Variants in TMEM178A observed in about 807,000 individuals in gnomAD.
TMEM178A encodes the protein transmembrane protein 178A.
TMEM178A carries 12 observed loss-of-function variants against 29.1 expected under a neutral mutation model. The ratio of observed to expected loss-of-function variants is 0.41; its 90% confidence interval spans 0.26 to 0.67. TMEM178A has a LOEUF of 0.67. Ranked by LOEUF, TMEM178A falls within the 30% of genes least tolerant of loss-of-function variation. TMEM178A has a pLI of 0.29. For synonymous variants in TMEM178A, 210 were observed against 187.2 expected (o/e 1.12, Z -0.99); for missense variants, 366 against 419.1 (o/e 0.87, Z 1.11).
At chr2:39,681,524 C>T (rs760574205) in intron 1 of TMEM178A, among the ~76,000 whole-genome samples, 1 of 152,118 alleles carries the variant, frequency 6.6e-6, no homozygotes, top group Non-Finnish European at 1.5e-5. Context: ...GAGAGAGACA[C>T]CTCCGTGGAT....
At chr2:39,669,855 G>C (rs1670337349) in intron 1 of TMEM178A, among the ~76,000 whole-genome samples, 1 of 152,194 alleles carries the variant, frequency 6.6e-6, no homozygotes, top group Admixed American at 6.5e-5. Context: ...CATTCATACT[G>C]TATTTCCATA....
chr2:39,703,127 T>TA (rs1407331660), intron 1 of TMEM178A, among the ~76,000 whole-genome samples: 1 of 152,196 alleles, frequency 6.6e-6, no homozygotes, highest in Non-Finnish European at 1.5e-5. Flanking sequence ...TCTATGAAGA[T>TA]TTTTTTAAAT....
At chr2:39,684,080 C>T (rs1268486862) in intron 1 of TMEM178A, among the ~76,000 whole-genome samples, 2 of 152,196 alleles carry the variant, frequency 1.3e-5, no homozygotes, top group South Asian at 4.1e-4. Flanking sequence ...TAGTTCTGAT[C>T]TGCTTCTGCC....
intron 1 of TMEM178A, among the ~76,000 whole-genome samples, chr2:39,666,670 G>T (rs982778888): frequency 6.6e-6 from 1 of 151,992 alleles, no homozygotes; most frequent in African/African-American, 2.4e-5. Context: ...CCCATTCCCC[G>T]GTTCTCTCTC....
intron 1 of TMEM178A, among the ~76,000 whole-genome samples, chr2:39,681,715 A>G (rs1201542455): frequency 6.6e-6 from 1 of 152,232 alleles, no homozygotes; most frequent in Non-Finnish European, 1.5e-5. Context: ...ATTACTCTGT[A>G]GTAGCCATAT....
At chr2:39,676,430 C>A (rs1028013758) in intron 1 of TMEM178A, among the ~76,000 whole-genome samples, 1 of 152,182 alleles carries the variant, frequency 6.6e-6, no homozygotes, top group Non-Finnish European at 1.5e-5. Flanking sequence ...TGTGAGTGAG[C>A]TAGGAAACGG....
chr2:39,706,528 G>C (rs368397155), intron 2 of TMEM178A, among the ~76,000 whole-genome samples: 2 of 152,168 alleles, frequency 1.3e-5, no homozygotes, highest in South Asian at 4.1e-4. Flanking sequence ...GGCATCTGTG[G>C]TGATCAGATA....
chr2:39,721,145 G>A (rs1033503667), downstream of TMEM178A, among the ~76,000 whole-genome samples: 1 of 152,182 alleles, frequency 6.6e-6, no homozygotes, highest in Middle Eastern at 3.2e-3. Context: ...ATTTCTCTGG[G>A]GCCTTGCCCT....
intron 1 of TMEM178A, among the ~76,000 whole-genome samples, chr2:39,695,124 A>G (rs1464888574): frequency 6.6e-6 from 1 of 152,152 alleles, no homozygotes; most frequent in African/African-American, 2.4e-5. Flanking sequence ...CATGGCTGCT[A>G]CCCTGTCCTA....
chr2:39,707,967 T>A (rs1394897708), intron 3 of TMEM178A, among the ~76,000 whole-genome samples: 1 of 152,242 alleles, frequency 6.6e-6, no homozygotes, highest in Non-Finnish European at 1.5e-5. Flanking sequence ...TCCACAGATA[T>A]CTTTTGAGGA....
At chr2:39,680,911 T>A (rs370002549) in intron 1 of TMEM178A, among the ~76,000 whole-genome samples, 1 of 152,248 alleles carries the variant, frequency 6.6e-6, no homozygotes, top group Non-Finnish European at 1.5e-5. Flanking sequence ...AATTTAATAA[T>A]TCTGTGTTAA....
At chr2:39,668,275 C>G (rs1412028252) in intron 1 of TMEM178A, among the ~76,000 whole-genome samples, 1 of 152,164 alleles carries the variant, frequency 6.6e-6, no homozygotes, top group African/African-American at 2.4e-5. Context: ...GTTGTCTAGC[C>G]CAGTACTTCC....
chr2:39,731,941 G>T, the TMEM178A span, among the ~76,000 whole-genome samples: 1 of 152,148 alleles, frequency 6.6e-6, no homozygotes, highest in Non-Finnish European at 1.5e-5. Context: ...CTCCTACACA[G>T]TATGGCCTCT....
intron 2 of TMEM178A, 61 bp downstream of exon 2, chr2:39,704,255 C>T: frequency 7.4e-7 from 1 of 1,356,636 alleles, no homozygotes; most frequent in African/African-American, 1.4e-5. Context: ...AAATTCCCAC[C>T]ACCCCTCTCA....
At chr2:39,732,163 C>T in the TMEM178A span, among the ~76,000 whole-genome samples, 1 of 152,200 alleles carries the variant, frequency 6.6e-6, no homozygotes, top group Non-Finnish European at 1.5e-5. Flanking sequence ...GTTCTGCTCC[C>T]TGGGAGGAGA....
chr2:39,704,750 T>G (rs1671949681), intron 2 of TMEM178A, among the ~76,000 whole-genome samples: 1 of 152,198 alleles, frequency 6.6e-6, no homozygotes, highest in Admixed American at 6.5e-5. Flanking sequence ...AGGGCTGATA[T>G]TTACCTAAAA....
the TMEM178A span, among the ~76,000 whole-genome samples, chr2:39,726,255 T>C: frequency 1.3e-5 from 2 of 152,110 alleles, no homozygotes; most frequent in Admixed American, 6.6e-5. Context: ...ATGGCCAGTT[T>C]AGGGAAGCTG....
At chr2:39,704,427 T>A (rs1032739053) in intron 2 of TMEM178A, among the ~76,000 whole-genome samples, 1 of 152,220 alleles carries the variant, frequency 6.6e-6, no homozygotes, top group African/African-American at 2.4e-5. Context: ...TAGTCTGCCC[T>A]GGTGGCATCT....
intron 1 of TMEM178A, among the ~76,000 whole-genome samples, chr2:39,689,658 CACA>C (rs1671229546): frequency 6.6e-6 from 1 of 152,038 alleles, no homozygotes; most frequent in South Asian, 2.1e-4. Flanking sequence ...GTGATGGGTG[CACA>C]ACAATATGAA....
Sources: gnomAD v4.1 joint callset for allele counts (sites outside exome capture counted in the v4.1 genomes callset) on GRCh38, gnomAD v4.1.1 for gene constraint, MANE v1.5 for transcripts, NCBI Gene and HGNC (gene_info 2026-07-23, HGNC 2026-07-21) for gene names.